DPP6: variants seen among roughly 807,000 people sequenced by gnomAD.
DPP6 encodes the protein A-type potassium channel modulatory protein DPP6.
Under a neutral mutation model 122.6 loss-of-function variants are expected in DPP6, and 69 were observed. The observed-to-expected ratio is 0.56, with a 90% confidence interval of 0.46 to 0.69. DPP6 has a LOEUF of 0.69. DPP6 is among the 30% of genes least tolerant of loss of function. The probability of loss-of-function intolerance (pLI) is 0.00; values close to 1 mark genes in which losing one functional copy is unlikely to be tolerated. For missense variants in DPP6, 928 were observed against 1,116.9 expected (o/e 0.83, Z 2.41); for synonymous variants, 418 against 433.1 (o/e 0.97, Z 0.43).
chr7:154,671,495 G>C (rs1482524881), intron 7 of DPP6, among the ~76,000 whole-genome samples: 1 of 151,284 alleles, frequency 6.6e-6, no homozygotes, highest in Non-Finnish European at 1.5e-5. Flanking sequence ...CTGTAACTCA[G>C]TGTGTGGACT....
At chr7:154,299,414 G>T in intron 1 of DPP6, among the ~76,000 whole-genome samples, 1 of 152,228 alleles carries the variant, frequency 6.6e-6, no homozygotes, top group East Asian at 1.9e-4. Context: ...AGCACGCAGT[G>T]GTCGACTGTC....
intron 10 of DPP6, among the ~76,000 whole-genome samples, chr7:154,774,236 GGA>G (rs1796430857): frequency 2.6e-5 from 4 of 152,222 alleles, no homozygotes; most frequent in South Asian, 4.2e-4. Flanking sequence ...GCGCTGGTTT[GGA>G]GAGTTGAATT....
intron 1 of DPP6, among the ~76,000 whole-genome samples, chr7:153,892,101 T>C (rs1231489453): frequency 6.6e-6 from 1 of 152,234 alleles, no homozygotes; most frequent in Non-Finnish European, 1.5e-5. Flanking sequence ...TCAGAACTAT[T>C]GTCTTCTCTT....
At chr7:154,256,998 CTTT>C (rs66710949) in intron 1 of DPP6, among the ~76,000 whole-genome samples, 2 of 132,852 alleles carry the variant, frequency 1.5e-5, no homozygotes, top group Non-Finnish European at 1.6e-5. Flanking sequence ...TCTTCTTCTT[CTTT>C]TTTTTTTTTT....
At chr7:154,865,606 C>T (rs905279977) in intron 17 of DPP6, 4 of 152,080 alleles carry the variant, frequency 2.6e-5, no homozygotes, top group African/African-American at 9.7e-5. Context: ...TTTCTAAACA[C>T]CAGAAACTTT....
At chr7:154,572,787 C>A (rs1442107423) in intron 5 of DPP6, among the ~76,000 whole-genome samples, 1 of 151,396 alleles carries the variant, frequency 6.6e-6, no homozygotes, top group Non-Finnish European at 1.5e-5. Context: ...TCAAGTGATT[C>A]GCCTCCCTCA....
rs1484840468 is a variant in DPP6, at chr7:153,941,476, C to T, written c.51+53742C>T. Among the ~76,000 whole-genome samples, 6 of 152,254 alleles carry T rather than the reference C, an allele frequency of 3.9e-5. No homozygotes were observed. The East Asian group carries it at 1.2e-3, about 29-fold the overall frequency. Reference sequence around the variant, plus strand: ...TAACAATTCATCCCAGTAGTCCAGGCCTGGATCCCACAGCCATGGAATGAT... The same window carrying T: ...TAACAATTCATCCCAGTAGTCCAGGTCTGGATCCCACAGCCATGGAATGAT... On this transcript the variant is annotated intron_variant, in intron 1 of 25. Transcript: ENST00000404039.
rs114671230 is a variant in DPP6, at chr7:154,733,932, C to T, written c.883+6045C>T. Among the ~76,000 whole-genome samples, 940 of 152,282 alleles carry T rather than the reference C, an allele frequency of 6.2e-3. 14 individuals carry two copies. The highest frequency in any genetic ancestry group is 0.022 in the African/African-American group (901 of 41,562). ...TTCATGACACGTTAGATATGTTGTA[C>T]ACTTTGTGTGCCTTGTGTCACGCTG... On this transcript the variant is annotated intron_variant, in intron 8 of 25. Coordinates refer to ENST00000377770, the MANE Select transcript of DPP6 (RefSeq NM_130797.4).
intron 1 of DPP6, among the ~76,000 whole-genome samples, chr7:153,993,415 G>T (rs781739233): frequency 2.0e-4 from 31 of 152,216 alleles, no homozygotes; most frequent in African/African-American, 4.3e-4. Flanking sequence ...AGAATGATCT[G>T]CTGAGAGCCC....
intron 10 of DPP6, among the ~76,000 whole-genome samples, chr7:154,787,503 C>A (rs576526101): frequency 6.6e-6 from 1 of 152,180 alleles, no homozygotes; most frequent in African/African-American, 2.4e-5. Flanking sequence ...TCCAGAAATA[C>A]GCTTATTATT....
At chr7:153,944,434 A>G (rs1018548837) in intron 1 of DPP6, among the ~76,000 whole-genome samples, 4 of 152,110 alleles carry the variant, frequency 2.6e-5, no homozygotes, top group Non-Finnish European at 5.9e-5. Flanking sequence ...ACCAGGAGGG[A>G]TGGGAAGGCA....
chr7:154,470,565 A>G (rs1222997724), intron 2 of DPP6, among the ~76,000 whole-genome samples: 1 of 152,160 alleles, frequency 6.6e-6, no homozygotes, highest in East Asian at 1.9e-4. Flanking sequence ...GGAGTTCCAA[A>G]TGGTTCTCCA....
intron 1 of DPP6, among the ~76,000 whole-genome samples, chr7:154,144,471 A>G (rs1795994622): frequency 6.6e-6 from 1 of 152,210 alleles, no homozygotes. Context: ...GAATTCAGTT[A>G]TTCATCTGCA....
chr7:154,891,648 C>T lies in DPP6; in HGVS notation c.2452-686C>T, dbSNP rs115935230. Among the ~76,000 whole-genome samples, 24 of 152,204 alleles carry T rather than the reference C, an allele frequency of 1.6e-4. No individual in the cohort carries two copies. In the East Asian group the frequency reaches 1.7e-3, roughly 11 times the overall value. ...GAGAGAGCATAGGAGTGTAATGGCG[C>T]GATCTCGGCTCACAGCAACCTCCGC... On this transcript the variant is annotated intron_variant, in intron 25 of 25. Transcript: ENST00000377770.
intron 16 of DPP6, among the ~76,000 whole-genome samples, chr7:154,848,072 G>T (rs539665538): frequency 6.6e-6 from 1 of 152,320 alleles, no homozygotes; most frequent in South Asian, 2.1e-4. Context: ...TTCATCTGTT[G>T]CTGGGCAGGT....
intron 1 of DPP6, among the ~76,000 whole-genome samples, chr7:154,359,599 G>T (rs1811558532): frequency 6.6e-6 from 1 of 152,140 alleles, no homozygotes; most frequent in Admixed American, 6.5e-5. Context: ...AGAGCAGGAG[G>T]TCTTGTCATT....
At chr7:154,592,578 CGTAAG>C (rs1237104234) in intron 5 of DPP6, among the ~76,000 whole-genome samples, 1 of 151,954 alleles carries the variant, frequency 6.6e-6, no homozygotes, top group African/African-American at 2.4e-5. Context: ...AGGAAAGTGA[CGTAAG>C]GTAAAGGACA....
At chr7:154,344,010 C>T (rs1810171755) in intron 1 of DPP6, among the ~76,000 whole-genome samples, 1 of 152,126 alleles carries the variant, frequency 6.6e-6, no homozygotes, top group East Asian at 1.9e-4. Flanking sequence ...GCCACCGTGC[C>T]CCACCCTCTG....
At chr7:154,037,453 T>A (rs1176054396) in intron 1 of DPP6, among the ~76,000 whole-genome samples, 7 of 148,776 alleles carry the variant, frequency 4.7e-5, no homozygotes, top group Non-Finnish European at 1.0e-4. Flanking sequence ...GAGTTGTTTT[T>A]AAAAAATTAC....
Sources: gnomAD v4.1 joint callset for allele counts (sites outside exome capture counted in the v4.1 genomes callset) on GRCh38, gnomAD v4.1.1 for gene constraint, MANE v1.5 for transcripts, NCBI Gene and HGNC (gene_info 2026-07-23, HGNC 2026-07-21) for gene names.